Variants in PCDHGB1 observed in about 807,000 individuals in gnomAD.
The protein encoded by PCDHGB1 is protocadherin gamma-B1.
PCDHGB1 carries 34 observed loss-of-function variants against 56.6 expected under a neutral mutation model. The ratio of observed to expected loss-of-function variants is 0.60; its 90% CI spans 0.46 to 0.80. The LOEUF (loss-of-function observed/expected upper bound fraction) is 0.80, where lower values mean the gene tolerates loss of function less well. PCDHGB1 is among the 30% of genes least tolerant of loss of function. The pLI, the probability that PCDHGB1 is intolerant of heterozygous loss-of-function variation, is 0.00. For missense variants in PCDHGB1, 1,278 were observed against 1,204.6 expected, an observed-to-expected ratio of 1.06 and a Z score of -0.90; for synonymous variants, 561 against 505.9, an observed-to-expected ratio of 1.11 and a Z score of -1.46.
intron 1 of PCDHGB1, chr5:141,383,938 G>T (rs764534858): frequency 5.0e-6 from 8 of 1,613,866 alleles, no homozygotes; most frequent in Non-Finnish European, 5.9e-6. Context: ...TGCTCCAGAA[G>T]TGACTATGAC....
At chr5:141,500,568 T>C (rs1562196424) in intron 2 of PCDHGB1, among the ~76,000 whole-genome samples, 2 of 152,190 alleles carry the variant, frequency 1.3e-5, no homozygotes, top group Admixed American at 6.5e-5. Context: ...CTTGTCACAC[T>C]TTCATGTGAC....
intron 1 of PCDHGB1, chr5:141,440,359 G>T (rs932656332): frequency 5.3e-5 from 8 of 152,106 alleles, no homozygotes; most frequent in Non-Finnish European, 1.2e-4. Context: ...CTAGCTACTC[G>T]GGGGGCCGAG....
chr5:141,389,157 C>T lies in PCDHGB1; in HGVS notation c.2409+36488C>T, dbSNP rs192156139. The T allele has an allele frequency of 2.5e-6, 4 of 1,613,976 alleles. No homozygotes were observed. The East Asian group carries it at 6.7e-5, about 27-fold the overall frequency. ...CAATATAACCGTTACGGCAACAGAT[C>T]GGGGCAAGCCTCCCCTCTCCTCCAG... is the stretch of plus-strand genomic sequence containing the variant. On this transcript the variant is annotated intron_variant, in intron 1 of 3. Coordinates refer to ENST00000523390, the MANE Select transcript of PCDHGB1 (RefSeq NM_018922.3).
intron 2 of PCDHGB1, among the ~76,000 whole-genome samples, chr5:141,500,431 G>A (rs1340129330): frequency 6.6e-6 from 1 of 151,476 alleles, no homozygotes; most frequent in Non-Finnish European, 1.5e-5. Flanking sequence ...GGATGGTCTC[G>A]ATCTCCTGAC....
At position 141,431,245 on chromosome 5, in the gene PCDHGB1, C is replaced by T; in HGVS notation, c.2410-63562C>T. The T allele has an allele frequency of 1.2e-6, 2 of 1,614,134 alleles. No individual in the cohort carries two copies. The highest frequency in any genetic ancestry group is 1.7e-6 in the Non-Finnish European group (2 of 1,180,038). ...TACCCCACGCCTGGGATCCGGATATCGGGAAGAACTCTCTGCAGAGCTACG... is the reference window on the plus strand; with the variant it reads ...TACCCCACGCCTGGGATCCGGATATTGGGAAGAACTCTCTGCAGAGCTACG... On this transcript the variant is annotated intron_variant, in intron 1 of 3. Transcript: ENST00000523390. This position sits in a 1 kb window ranked among gnomAD's most constrained non-coding sequence, Gnocchi z 4.8.
At chr5:141,425,321 G>A (rs1020940689) in intron 1 of PCDHGB1, among the ~76,000 whole-genome samples, 2 of 152,182 alleles carry the variant, frequency 1.3e-5, no homozygotes, top group South Asian at 2.1e-4. Flanking sequence ...CAAGATCGTG[G>A]AGAACAAAAA....
intron 2 of PCDHGB1, among the ~76,000 whole-genome samples, chr5:141,503,423 C>T (rs1018496430): frequency 6.6e-6 from 1 of 151,752 alleles, no homozygotes; most frequent in Non-Finnish European, 1.5e-5. Context: ...GGTGAAACCC[C>T]ATCTCTACTA....
At chr5:141,352,801 C>T (rs1759112058) in intron 1 of PCDHGB1, 132 bp downstream of exon 1, 1 of 912,248 alleles carries the variant, frequency 1.1e-6, no homozygotes, top group Non-Finnish European at 1.6e-6. Flanking sequence ...ACCAGCATAG[C>T]CAAGATGGTA....
chr5:141,446,253 A>T (rs1452074783), intron 1 of PCDHGB1, among the ~76,000 whole-genome samples: 3 of 152,164 alleles, frequency 2.0e-5, no homozygotes, highest in African/African-American at 7.2e-5. Context: ...CTTCAGTGAA[A>T]TATTATTAAC....
intron 1 of PCDHGB1, among the ~76,000 whole-genome samples, chr5:141,447,375 T>C (rs1431576261): frequency 6.6e-6 from 1 of 152,030 alleles, no homozygotes; most frequent in African/African-American, 2.4e-5. Context: ...CTGACCCTGG[T>C]GATCTGCCCA....
At chr5:141,374,404 C>T (rs1383124731) in intron 1 of PCDHGB1, 2 of 1,613,916 alleles carry the variant, frequency 1.2e-6, no homozygotes, top group South Asian at 1.1e-5. Context: ...TGAGTTTTAA[C>T]ATCCTTGTCG....
chr5:141,456,748 A>C (rs1448893002), intron 1 of PCDHGB1, among the ~76,000 whole-genome samples: 1 of 151,852 alleles, frequency 6.6e-6, no homozygotes, highest in Non-Finnish European at 1.5e-5. Context: ...GAGCATCATG[A>C]GGTCAGGAGT....
chr5:141,436,167 G>A (rs933669166), intron 1 of PCDHGB1, among the ~76,000 whole-genome samples: 2 of 152,088 alleles, frequency 1.3e-5, no homozygotes, highest in Non-Finnish European at 2.9e-5. Flanking sequence ...CATATGGACA[G>A]TTCTCATATA....
chr5:141,427,628 G>A (rs1308356581), intron 1 of PCDHGB1: 2 of 700,966 alleles, frequency 2.9e-6, no homozygotes, highest in Admixed American at 2.0e-5. Flanking sequence ...ACAATGCTCC[G>A]GTTTTCCACC....
intron 1 of PCDHGB1, chr5:141,423,722 G>T: frequency 1.0e-6 from 1 of 954,174 alleles, no homozygotes; most frequent in Non-Finnish European, 1.3e-6. Flanking sequence ...TTAAGGAGAT[G>T]TTTTTTGAGC....
At chr5:141,413,035 C>A (rs1481573261) in intron 1 of PCDHGB1, 2 of 800,134 alleles carry the variant, frequency 2.5e-6, no homozygotes, top group African/African-American at 1.7e-5. Context: ...AAACCGGCTG[C>A]TGGGCTGCAG....
Position 141,431,655 on chromosome 5 carries a change from G to A in PCDHGB1, c.2410-63152G>A, listed in dbSNP as rs199998405. On this transcript the variant is annotated intron_variant, in intron 1 of 3. Transcript: ENST00000523390. This position sits in a 1 kb window ranked among gnomAD's most constrained non-coding sequence, Gnocchi z 4.8. Reference sequence around the variant, plus strand: ...GTTTTCAAACTAGATTGTAATTCAGGGACAATATCAACAATAGGGGAGTTG... The same window carrying A: ...GTTTTCAAACTAGATTGTAATTCAGAGACAATATCAACAATAGGGGAGTTG... 52 of 1,614,208 alleles carry A rather than the reference G, an allele frequency of 3.2e-5. No individual in the cohort carries two copies. The highest frequency in any genetic ancestry group is 3.3e-4 in the Middle Eastern group (2 of 6,062).
chr5:141,400,209 G>T (rs371270054), intron 1 of PCDHGB1: 8 of 1,613,934 alleles, frequency 5.0e-6, no homozygotes, highest in African/African-American at 2.7e-5. Flanking sequence ...CCTTGGCCTT[G>T]ATCTCAGTGC....
At chr5:141,366,464 C>A in intron 1 of PCDHGB1, 8 of 1,614,226 alleles carry the variant, frequency 5.0e-6, no homozygotes, top group Non-Finnish European at 6.8e-6. Context: ...CATCGTGCTG[C>A]TGGTGCTCAG....
Sources: gnomAD v4.1 joint callset for allele counts (sites outside exome capture counted in the v4.1 genomes callset) on GRCh38, gnomAD v4.1.1 for gene constraint, Gnocchi (gnomAD v3.1) non-coding constraint, MANE v1.5 for transcripts, NCBI Gene and HGNC (gene_info 2026-07-23, HGNC 2026-07-21) for gene names.